The following JADE1 variants were observed in gnomAD, a reference collection of about 807,000 sequenced individuals.
JADE1 encodes the protein protein Jade-1.
A neutral mutation model predicts 81.8 loss-of-function variants in JADE1; 14 were observed. The ratio of observed to expected loss-of-function variants is 0.17; its 90% CI spans 0.11 to 0.27. JADE1 has a LOEUF of 0.27. Among genes scored for constraint, JADE1 ranks in the 10% least tolerant of loss-of-function variants. The pLI is 1.00. For missense variants in JADE1, 690 were observed against 1,047.9 expected (o/e 0.66, Z 4.71); for synonymous variants, 353 against 391.9 (o/e 0.90, Z 1.17).
intron 1 of JADE1, among the ~76,000 whole-genome samples, chr4:128,826,717 T>C (rs1260954181): frequency 6.6e-6 from 1 of 152,118 alleles, no homozygotes; most frequent in Non-Finnish European, 1.5e-5. Flanking sequence ...TATGTTTATT[T>C]CATATTTGAC....
At chr4:128,830,482 T>C (rs1319728655) in intron 1 of JADE1, among the ~76,000 whole-genome samples, 3 of 151,994 alleles carry the variant, frequency 2.0e-5, no homozygotes, top group African/African-American at 7.2e-5. Flanking sequence ...GATCCTCCCG[T>C]CTTTGCTTCC....
Position 128,875,072 on chromosome 4 carries a change from T to C in JADE1, c.*2810T>C, listed in dbSNP as rs898578868. The C allele has an allele frequency of 6.6e-6, 1 of 152,540 alleles. No homozygotes were observed. The highest frequency in any genetic ancestry group is 1.5e-5 in the Non-Finnish European group (1 of 68,018). 9.4% of individuals were successfully genotyped at this position (152,540 alleles called of 1,614,324 possible). A position where few individuals can be genotyped will look rare whatever the true frequency, so the allele number is the denominator to read the frequency against. ...AGTATATGTAGAGATGACTATTTTATATTACATGACCCAATCCTGTATTTA... is the reference window on the plus strand; with the variant it reads ...AGTATATGTAGAGATGACTATTTTACATTACATGACCCAATCCTGTATTTA... On this transcript the variant is annotated 3_prime_UTR_variant, in exon 11 of 11. Coordinates refer to ENST00000226319, the MANE Select transcript of JADE1 (RefSeq NM_199320.4).
intron 7 of JADE1, 119 bp from the exon 8 acceptor site, chr4:128,857,219 C>A: frequency 1.3e-6 from 1 of 772,350 alleles, no homozygotes; most frequent in Non-Finnish European, 2.3e-6. Flanking sequence ...TGAGTGGGTG[C>A]CCCTTGCCAC....
At chr4:128,844,298 G>T (rs1729687005) in intron 3 of JADE1, among the ~76,000 whole-genome samples, 2 of 152,146 alleles carry the variant, frequency 1.3e-5, no homozygotes. Flanking sequence ...TGGAGAAGGG[G>T]GCCCAGCAGC....
At chr4:128,825,188 C>T (rs1727941615) in intron 1 of JADE1, among the ~76,000 whole-genome samples, 2 of 152,128 alleles carry the variant, frequency 1.3e-5, no homozygotes, top group Non-Finnish European at 1.5e-5. Context: ...AACAGGAATA[C>T]ACCACCAAAC....
rs1732194847 is a variant in JADE1, at chr4:128,871,516, C to T, written c.1783C>T (p.His595Tyr). The T allele has an allele frequency of 4.3e-6, 7 of 1,614,034 alleles. No individual in the cohort carries two copies. The highest frequency in any genetic ancestry group is 5.9e-6 in the Non-Finnish European group (7 of 1,180,042). The change falls in exon 11 of 11, where the codon CAT (histidine) becomes TAT (tyrosine). Residue 595 changes from histidine (H) to tyrosine (Y), a missense_variant. By Grantham distance (83) the His-to-Tyr change is moderately conservative (BLOSUM62 2). This residue lies in a region of JADE1 where 86 missense variants were observed against 95.4 expected (regional missense o/e 0.90). Transcript: ENST00000226319. This position sits in a 1 kb window ranked among gnomAD's most constrained non-coding sequence, Gnocchi z 4.1. Reference sequence around the variant, plus strand: ...CTTGGTTCATTCGCTGAAAAAGCCCCATAAGCGAGATCCTTTGCAGAATAG... The same window carrying T: ...CTTGGTTCATTCGCTGAAAAAGCCCTATAAGCGAGATCCTTTGCAGAATAG... ...TSLVHSLKKP[H>Y]KRDPLQNSPG...
chr4:128,855,185 C>T (rs1730688442), intron 6 of JADE1, among the ~76,000 whole-genome samples: 3 of 152,272 alleles, frequency 2.0e-5, no homozygotes, highest in African/African-American at 7.2e-5. Flanking sequence ...ACTCTGTATT[C>T]CACCCCACCT....
In JADE1 at chr4:128,873,834, C is replaced by T. The variant is rs1428186763; in HGVS notation, c.*1572C>T. The T allele has an allele frequency of 6.6e-6, 1 of 152,614 alleles. No individual in the cohort carries two copies. The highest frequency in any genetic ancestry group is 2.4e-5 in the African/African-American group (1 of 41,438). The allele number at this position is 152,614 out of a possible 1,614,324, so 9.5% of individuals were successfully genotyped here. A position where few individuals can be genotyped will look rare whatever the true frequency, so the allele number is the denominator to read the frequency against. On this transcript the variant is annotated 3_prime_UTR_variant, in exon 11 of 11. Transcript: ENST00000226319. ...ATGCTTTGAGGAGTTCTGCAGTTAA[C>T]TTTCAAGTCTTCCAGATGATTGTCA...
chr4:128,845,815 C>T (rs981887581), intron 3 of JADE1, among the ~76,000 whole-genome samples: 1 of 151,776 alleles, frequency 6.6e-6, no homozygotes, highest in Non-Finnish European at 1.5e-5. Context: ...CTCAGCTACT[C>T]GGGGGTGCTG....
chr4:128,845,056 A>G (rs185811783), intron 3 of JADE1, among the ~76,000 whole-genome samples: 90 of 152,352 alleles, frequency 5.9e-4, no homozygotes, highest in African/African-American at 1.9e-3. Flanking sequence ...TACAGATGCA[A>G]GCTTGCTCGA....
chr4:128,857,329 G>C lies in JADE1; in HGVS notation c.865-9G>C, dbSNP rs201538651. The C allele has an allele frequency of 1.5e-4, 246 of 1,611,824 alleles. No homozygotes were observed. Among genetic ancestry groups the C allele is most frequent in the Non-Finnish European group, 1.9e-4 (226 of 1,178,214 alleles). Reference sequence around the variant, plus strand: ...GAGCCACCCTGTCTTGCTGTTTTCCGACCTTTAGGTGAGCATTGGCAGCCC... The same window carrying C: ...GAGCCACCCTGTCTTGCTGTTTTCCCACCTTTAGGTGAGCATTGGCAGCCC... On this transcript the variant is annotated splice_polypyrimidine_tract_variant and intron_variant, in intron 7 of 10. Transcript: ENST00000226319.
At chr4:128,820,883 T>C (rs1727505518) in intron 1 of JADE1, among the ~76,000 whole-genome samples, 1 of 152,216 alleles carries the variant, frequency 6.6e-6, no homozygotes, top group Non-Finnish European at 1.5e-5. Flanking sequence ...ATATCCTGTA[T>C]AAGAACATCT....
At chr4:128,860,310 G>GT (rs2125886883) in intron 8 of JADE1, among the ~76,000 whole-genome samples, 1 of 152,278 alleles carries the variant, frequency 6.6e-6, no homozygotes, top group African/African-American at 2.4e-5. Context: ...TGGTTGAAGT[G>GT]TTTGTAAGGG....
At position 128,855,471 on chromosome 4, in the gene JADE1, C is replaced by T. The variant is rs533914577; in HGVS notation, c.697-159C>T. On this transcript the variant is annotated intron_variant, in intron 6 of 10. Coordinates refer to ENST00000226319, the MANE Select transcript of JADE1 (RefSeq NM_199320.4). ...CCTGTGAGGCTGCCGGGCATTTTCCCGAGGGGAGACGGTCGTAGCCAGGAA... is the reference window on the plus strand; with the variant it reads ...CCTGTGAGGCTGCCGGGCATTTTCCTGAGGGGAGACGGTCGTAGCCAGGAA... 9.2e-5 allele frequency among the ~76,000 whole-genome samples: 14 copies of T among 152,316 alleles called. No individual in the cohort carries two copies. The South Asian group carries it at 2.9e-3, about 32-fold the overall frequency.
At chr4:128,842,239 T>A (rs1256385829) in intron 2 of JADE1, among the ~76,000 whole-genome samples, 1 of 152,206 alleles carries the variant, frequency 6.6e-6, no homozygotes, top group African/African-American at 2.4e-5. Flanking sequence ...AAACCTTTTT[T>A]TAAAACAGTG....
chr4:128,850,660 A>C (rs1730274543), intron 5 of JADE1, among the ~76,000 whole-genome samples: 1 of 152,162 alleles, frequency 6.6e-6, no homozygotes, highest in African/African-American at 2.4e-5. Context: ...TTGAATACTA[A>C]ATTTTAGCTT....
chr4:128,855,447 C>T (rs1426463293), intron 6 of JADE1, among the ~76,000 whole-genome samples, 183 bp from the exon 7 acceptor site: 3 of 152,250 alleles, frequency 2.0e-5, no homozygotes, highest in Admixed American at 1.3e-4. Context: ...CTAAATGCTC[C>T]TGTGAGGCTG....
intron 9 of JADE1, 190 bp downstream of exon 9, chr4:128,862,415 A>G: frequency 7.1e-7 from 1 of 1,412,556 alleles, no homozygotes; most frequent in Non-Finnish European, 9.2e-7. Context: ...CAAAACTGCT[A>G]CTGAGTGGGG....
chr4:128,829,835 G>T (rs1302027100), intron 1 of JADE1, among the ~76,000 whole-genome samples: 1 of 151,600 alleles, frequency 6.6e-6, no homozygotes, highest in Non-Finnish European at 1.5e-5. Flanking sequence ...TGGAGCTTTG[G>T]TTTTTTAAAA....
Sources: gnomAD v4.1 joint callset for allele counts (sites outside exome capture counted in the v4.1 genomes callset) on GRCh38, gnomAD v4.1.1 for gene constraint, gnomAD v4.1.1 regional missense constraint, Gnocchi (gnomAD v3.1) non-coding constraint, MANE v1.5 for transcripts, NCBI Gene and HGNC (gene_info 2026-07-23, HGNC 2026-07-21) for gene names.